Variants in PALM2AKAP2 observed in about 807,000 individuals in gnomAD.
PALM2AKAP2 encodes PALM2 and AKAP2 fusion.
Under a neutral mutation model 71.5 loss-of-function variants are expected in PALM2AKAP2, and 37 were observed. The ratio of observed to expected loss-of-function variants is 0.52; its 90% CI spans 0.40 to 0.68. The LOEUF (loss-of-function observed/expected upper bound fraction) is 0.68, where lower values mean the gene tolerates loss of function less well. Among genes scored for constraint, PALM2AKAP2 ranks in the 30% least tolerant of loss-of-function variants. The probability of loss-of-function intolerance (pLI) is 0.00; values close to 1 mark genes in which losing one functional copy is unlikely to be tolerated. For synonymous variants in PALM2AKAP2, 468 were observed against 478.8 expected, an observed-to-expected ratio of 0.98 and a Z score of 0.29; for missense variants, 1,224 against 1,191.8, an observed-to-expected ratio of 1.03 and a Z score of -0.40.
At chr9:109,675,231 A>G (rs960702464) in intron 1 of PALM2AKAP2, among the ~76,000 whole-genome samples, 1 of 152,084 alleles carries the variant, frequency 6.6e-6, no homozygotes, top group African/African-American at 2.4e-5. Context: ...CAAATAGAAA[A>G]CTTATCATGT....
chr9:109,737,075 A>T (rs1011629523), intron 1 of PALM2AKAP2, among the ~76,000 whole-genome samples: 2 of 152,276 alleles, frequency 1.3e-5, no homozygotes, highest in Non-Finnish European at 2.9e-5. Context: ...GGGAGGCATC[A>T]TCTAGGAAAG....
chr9:110,048,214 C>G (rs950649690), upstream of PALM2AKAP2, among the ~76,000 whole-genome samples: 3 of 152,146 alleles, frequency 2.0e-5, no homozygotes, highest in Non-Finnish European at 2.9e-5. Flanking sequence ...AGGTAAGGGA[C>G]GAGGGGCTGT....
intron 1 of PALM2AKAP2, among the ~76,000 whole-genome samples, chr9:109,655,643 A>G (rs1460626990): frequency 6.6e-6 from 1 of 151,838 alleles, no homozygotes; most frequent in Non-Finnish European, 1.5e-5. Context: ...GGTTTCTGTG[A>G]AACTGCCTAC....
chr9:110,101,683 C>T (rs73655310), intron 1 of PALM2AKAP2, among the ~76,000 whole-genome samples: 12,010 of 152,242 alleles, frequency 0.079, 515 homozygotes, highest in Middle Eastern at 0.1. Flanking sequence ...CCCACGGCCT[C>T]TCTGGAGGGG....
intron 6 of PALM2AKAP2, chr9:109,944,701 G>T (rs1198375101): frequency 6.6e-6 from 1 of 152,208 alleles, no homozygotes; most frequent in Admixed American, 6.5e-5. Context: ...AGCTTCTGGA[G>T]ATTCCAGAAG....
At chr9:109,703,672 C>G (rs1302421712) in intron 1 of PALM2AKAP2, among the ~76,000 whole-genome samples, 1 of 151,596 alleles carries the variant, frequency 6.6e-6, no homozygotes, top group Admixed American at 6.6e-5. Context: ...AACCCATTCT[C>G]TAAAAGACAG....
chr9:110,134,337 AAAAT>A (rs755675699), intron 1 of PALM2AKAP2, among the ~76,000 whole-genome samples: 15 of 152,330 alleles, frequency 9.8e-5, no homozygotes, highest in Non-Finnish European at 1.0e-4. Flanking sequence ...TCAAAAATAA[AAAAT>A]AAAGATATTA....
chr9:109,982,384 T>C (rs1279403274), intron 6 of PALM2AKAP2, among the ~76,000 whole-genome samples: 1 of 152,162 alleles, frequency 6.6e-6, no homozygotes, highest in Non-Finnish European at 1.5e-5. Context: ...GAATAAGATC[T>C]AATATTTGAT....
intron 2 of PALM2AKAP2, among the ~76,000 whole-genome samples, chr9:109,878,001 G>C (rs1024217642): frequency 1.3e-5 from 2 of 152,202 alleles, no homozygotes; most frequent in Non-Finnish European, 2.9e-5. Flanking sequence ...TTAAAAAATG[G>C]CCTCTCATAA....
intron 1 of PALM2AKAP2, among the ~76,000 whole-genome samples, chr9:109,746,914 T>G (rs183127984): frequency 6.6e-6 from 1 of 152,132 alleles, no homozygotes; most frequent in East Asian, 1.9e-4. Flanking sequence ...CAGGCACAGG[T>G]GGAAGAGGGC....
chr9:109,698,301 G>T (rs1262956010), intron 1 of PALM2AKAP2, among the ~76,000 whole-genome samples: 1 of 141,874 alleles, frequency 7.0e-6, no homozygotes, highest in Non-Finnish European at 1.5e-5. Context: ...TTTTGAGACG[G>T]AGTTTCGCTT....
intron 3 of PALM2AKAP2, among the ~76,000 whole-genome samples, chr9:109,884,719 C>G (rs528607796): frequency 4.8e-4 from 73 of 152,198 alleles, no homozygotes; most frequent in African/African-American, 1.7e-3. Flanking sequence ...CTAAGTCACC[C>G]CCAGCAATCA....
chr9:109,688,735 A>G (rs551559251), intron 1 of PALM2AKAP2, among the ~76,000 whole-genome samples: 1 of 152,346 alleles, frequency 6.6e-6, no homozygotes, highest in Non-Finnish European at 1.5e-5. Flanking sequence ...CTTTATGGAA[A>G]GTAGATGCTA....
At chr9:110,081,846 G>A (rs1018847402) in intron 1 of PALM2AKAP2, among the ~76,000 whole-genome samples, 20 of 151,956 alleles carry the variant, frequency 1.3e-4, no homozygotes, top group Admixed American at 1.3e-3. Context: ...GATTTGGGGT[G>A]GGGTTCTCAT....
At chr9:110,040,233 A>G (rs1833487277) in intron 7 of PALM2AKAP2, among the ~76,000 whole-genome samples, 1 of 152,194 alleles carries the variant, frequency 6.6e-6, no homozygotes, top group African/African-American at 2.4e-5. Flanking sequence ...TTAATATGCT[A>G]TAGAAGCTAT....
chr9:109,813,226 A>G (rs924961628), intron 1 of PALM2AKAP2, among the ~76,000 whole-genome samples: 2 of 152,220 alleles, frequency 1.3e-5, no homozygotes, highest in Non-Finnish European at 2.9e-5. Flanking sequence ...AGTGAAAGGA[A>G]AACCACTGTG....
At chr9:109,641,224 T>G (rs181195276) in intron 1 of PALM2AKAP2, among the ~76,000 whole-genome samples, 1 of 152,286 alleles carries the variant, frequency 6.6e-6, no homozygotes, top group East Asian at 1.9e-4. Flanking sequence ...TTCCTAACCA[T>G]GTCAGCATTA....
At chr9:109,862,997 A>G in intron 1 of PALM2AKAP2, 1 of 485,732 alleles carries the variant, frequency 2.1e-6, no homozygotes, top group Non-Finnish European at 4.1e-6. Flanking sequence ...TGGCTATGCT[A>G]GGGAACCTGC....
chr9:109,668,437 A>G (rs1311360240), intron 1 of PALM2AKAP2, among the ~76,000 whole-genome samples: 1 of 152,254 alleles, frequency 6.6e-6, no homozygotes, highest in Non-Finnish European at 1.5e-5. Flanking sequence ...GTTTTATCCC[A>G]CTGGAAAATA....
Sources: gnomAD v4.1 joint callset for allele counts (sites outside exome capture counted in the v4.1 genomes callset) on GRCh38, gnomAD v4.1.1 for gene constraint, MANE v1.5 for transcripts, NCBI Gene and HGNC (gene_info 2026-07-23, HGNC 2026-07-21) for gene names.